The following GALNT13 variants were observed in gnomAD, a reference collection of about 807,000 sequenced individuals.
The protein encoded by GALNT13 is UDP-GalNAc:polypeptide N-acetylgalactosaminyltransferase 13.
In GALNT13, 28 loss-of-function variants were observed where a neutral mutation model predicts 64.2. That is an observed-to-expected ratio of 0.44 (90% confidence interval 0.32 to 0.60). The LOEUF is 0.60. GALNT13 is among the 20% of genes least tolerant of loss of function. GALNT13 has a pLI of 0.05. For missense variants in GALNT13, 577 were observed against 669.8 expected, an observed-to-expected ratio of 0.86 and a Z score of 1.53; for synonymous variants, 214 against 224.6, an observed-to-expected ratio of 0.95 and a Z score of 0.42.
At chr2:154,071,918 A>C (rs1374957193) in intron 3 of GALNT13, among the ~76,000 whole-genome samples, 1 of 152,106 alleles carries the variant, frequency 6.6e-6, no homozygotes, top group Non-Finnish European at 1.5e-5. Context: ...CAAGAAGACT[A>C]TGATGTGCCT....
chr2:154,254,925 G>T (rs1690289150), intron 7 of GALNT13, among the ~76,000 whole-genome samples: 1 of 152,070 alleles, frequency 6.6e-6, no homozygotes, highest in African/African-American at 2.4e-5. Flanking sequence ...AGAGACCCTT[G>T]GGAGGACTAA....
intron 9 of GALNT13, among the ~76,000 whole-genome samples, chr2:154,389,070 A>AT (rs1698653641): frequency 6.6e-6 from 1 of 152,140 alleles, no homozygotes; most frequent in African/African-American, 2.4e-5. Flanking sequence ...CGAGAGTTGT[A>AT]TTTTGTCAAC....
chr2:153,085,358 C>T, the GALNT13 span, among the ~76,000 whole-genome samples: 1 of 152,176 alleles, frequency 6.6e-6, no homozygotes, highest in Non-Finnish European at 1.5e-5. Flanking sequence ...GGGAAAATGT[C>T]TCCAGGGCAT....
At chr2:153,954,428 A>C (rs949951729) in intron 3 of GALNT13, among the ~76,000 whole-genome samples, 5 of 152,142 alleles carry the variant, frequency 3.3e-5, no homozygotes, top group African/African-American at 1.2e-4. Flanking sequence ...ACAGTTTCCC[A>C]AAATTAATAG....
Position 154,133,536 on chromosome 2 carries a change from A to G in GALNT13, c.143-6801A>G, listed in dbSNP as rs984114917. On this transcript the variant is annotated intron_variant, in intron 3 of 12. Coordinates refer to ENST00000392825, the MANE Select transcript of GALNT13 (RefSeq NM_052917.4). The stretch of plus-strand genomic sequence containing the variant: ...TTTCAGTAACATAACAGACCATTTT[A>G]TATATATATATATATATATATATAT... Among the ~76,000 whole-genome samples the G allele has an allele frequency of 9.8e-3, 62 of 6,330 alleles. 1 individual carries two copies. The highest frequency in any genetic ancestry group is 0.067 in the East Asian group (44 of 656). 4.2% of individuals were successfully genotyped at this position (6,330 alleles called of 152,430 possible). A position where few individuals can be genotyped will look rare whatever the true frequency, so the allele number is the denominator to read the frequency against.
At chr2:154,031,414 T>C (rs905232345) in intron 3 of GALNT13, among the ~76,000 whole-genome samples, 1 of 151,994 alleles carries the variant, frequency 6.6e-6, no homozygotes, top group Admixed American at 6.6e-5. Context: ...ACAGTGTTAA[T>C]AATTACATTA....
the GALNT13 span, among the ~76,000 whole-genome samples, chr2:153,209,130 A>G: frequency 1.3e-5 from 2 of 151,596 alleles, no homozygotes; most frequent in African/African-American, 4.8e-5. Context: ...GGCGCCTGCC[A>G]CCATGCCCAG....
chr2:153,333,148 G>A, the GALNT13 span, among the ~76,000 whole-genome samples: 4 of 152,220 alleles, frequency 2.6e-5, no homozygotes, highest in Non-Finnish European at 5.9e-5. Flanking sequence ...ATGGCCGACT[G>A]TATGCACCTA....
the GALNT13 span, among the ~76,000 whole-genome samples, chr2:153,784,953 C>G: frequency 6.6e-6 from 1 of 152,194 alleles, no homozygotes; most frequent in Admixed American, 6.5e-5. Context: ...AGTACAGCAG[C>G]TCTGTGGAGA....
chr2:153,621,580 G>A, the GALNT13 span, among the ~76,000 whole-genome samples: 22 of 152,274 alleles, frequency 1.4e-4, no homozygotes, highest in East Asian at 3.1e-3. Flanking sequence ...GGTACTGTCT[G>A]GGAGTCAGAG....
At chr2:153,843,754 A>T in the GALNT13 span, among the ~76,000 whole-genome samples, 1 of 152,200 alleles carries the variant, frequency 6.6e-6, no homozygotes, top group African/African-American at 2.4e-5. Context: ...CATTGGGTAA[A>T]CATCCCATTC....
intron 3 of GALNT13, among the ~76,000 whole-genome samples, chr2:154,021,255 G>C (rs1335135260): frequency 6.6e-6 from 1 of 152,188 alleles, no homozygotes; most frequent in Non-Finnish European, 1.5e-5. Flanking sequence ...TTGGTAGCTT[G>C]ATGGGGATGG....
At chr2:153,580,938 C>T in the GALNT13 span, among the ~76,000 whole-genome samples, 718 of 152,142 alleles carry the variant, frequency 4.7e-3, 7 homozygotes, top group African/African-American at 0.016. Flanking sequence ...TGTAAAATTC[C>T]TATTCATTTT....
the GALNT13 span, among the ~76,000 whole-genome samples, chr2:153,630,807 AT>A: frequency 0.045 from 978 of 21,946 alleles, 27 homozygotes; most frequent in South Asian, 0.094. Flanking sequence ...ATATATATAT[AT>A]TTTTTTTTTT....
intron 3 of GALNT13, among the ~76,000 whole-genome samples, chr2:154,038,819 C>T (rs958384664): frequency 2.6e-5 from 4 of 152,072 alleles, no homozygotes; most frequent in South Asian, 2.1e-4. Context: ...AGTCAAGACA[C>T]AACCTGCAGA....
chr2:154,429,713 G>A lies in GALNT13; in HGVS notation c.1396-8879G>A, dbSNP rs188324670. On this transcript the variant is annotated intron_variant, in intron 11 of 12. Coordinates refer to ENST00000392825, the MANE Select transcript of GALNT13 (RefSeq NM_052917.4). Reference sequence around the variant, plus strand: ...CCAATTGGAAGAAGATGCCATCTGGGACTTCCATAGCTAGAAAAGCGAAGT... The same window carrying A: ...CCAATTGGAAGAAGATGCCATCTGGAACTTCCATAGCTAGAAAAGCGAAGT... 3.9e-4 allele frequency among the ~76,000 whole-genome samples: 59 copies of A among 152,274 alleles called. 2 individuals are homozygous for A. The highest frequency in any genetic ancestry group is 2.7e-3 in the South Asian group (13 of 4,818).
intron 9 of GALNT13, among the ~76,000 whole-genome samples, chr2:154,345,276 G>A (rs960595525): frequency 2.6e-5 from 4 of 151,966 alleles, no homozygotes; most frequent in African/African-American, 7.2e-5. Context: ...ACAAAAGACC[G>A]ATGGTCCCTG....
the GALNT13 span, among the ~76,000 whole-genome samples, chr2:153,316,458 T>G: frequency 6.9e-6 from 1 of 145,972 alleles, no homozygotes; most frequent in Non-Finnish European, 1.5e-5. Context: ...CTGGCCAACA[T>G]GAAGAAACAA....
the GALNT13 span, among the ~76,000 whole-genome samples, chr2:153,836,281 T>C: frequency 6.6e-6 from 1 of 151,792 alleles, no homozygotes; most frequent in Non-Finnish European, 1.5e-5. Context: ...ATAGTTACCA[T>C]AATTAAGCTT....
Sources: gnomAD v4.1 joint callset for allele counts (sites outside exome capture counted in the v4.1 genomes callset) on GRCh38, gnomAD v4.1.1 for gene constraint, MANE v1.5 for transcripts, NCBI Gene and HGNC (gene_info 2026-07-23, HGNC 2026-07-21) for gene names.